The following ZNF385D variants were observed in gnomAD, a reference collection of about 807,000 sequenced individuals.
ZNF385D encodes the protein zinc finger protein 385D, also known as zinc finger protein 659.
Under a neutral mutation model 35.8 loss-of-function variants are expected in ZNF385D, and 15 were observed. The observed-to-expected ratio is 0.42, with a 90% CI of 0.28 to 0.64. The LOEUF (loss-of-function observed/expected upper bound fraction) is 0.64, where lower values mean the gene tolerates loss of function less well. ZNF385D is among the 30% of genes least tolerant of loss of function. The pLI is 0.23. For synonymous variants in ZNF385D, 212 were observed against 186.8 expected (o/e 1.13, Z -1.10); for missense variants, 474 against 494.6 (o/e 0.96, Z 0.39).
chr3:22,290,804 G>A (rs1490440274), intron 2 of ZNF385D, among the ~76,000 whole-genome samples: 1 of 152,126 alleles, frequency 6.6e-6, no homozygotes, highest in East Asian at 1.9e-4. Context: ...ATGGAACAGG[G>A]AGAGTCAGTA....
chr3:21,668,463 G>C (rs141350083), intron 1 of ZNF385D, among the ~76,000 whole-genome samples: 1 of 152,218 alleles, frequency 6.6e-6, no homozygotes, highest in African/African-American at 2.4e-5. Context: ...ATGTTTCCAT[G>C]AGCACTCCCT....
intron 3 of ZNF385D, among the ~76,000 whole-genome samples, chr3:22,138,876 AG>A (rs1347482883): frequency 2.2e-4 from 34 of 152,250 alleles, no homozygotes; most frequent in African/African-American, 7.9e-4. Context: ...CAGAGTGAAC[AG>A]GCAACCTACA....
chr3:22,325,266 G>A (rs557897408), intron 2 of ZNF385D, among the ~76,000 whole-genome samples: 1 of 152,180 alleles, frequency 6.6e-6, no homozygotes, highest in African/African-American at 2.4e-5. Context: ...AACTCAAGCT[G>A]TAGAACTTTT....
Position 22,036,036 on chromosome 3 carries a change from G to C in ZNF385D, c.325+132781C>G, listed in dbSNP as rs563539289. On this transcript the variant is annotated intron_variant, in intron 3 of 5. Transcript: ENST00000494108. ...TGTTTTTCTGAGCCTTGACACCTTGGATAAAAAGAAGACAAGGGTATCCTG... is the reference window on the plus strand; with the variant it reads ...TGTTTTTCTGAGCCTTGACACCTTGCATAAAAAGAAGACAAGGGTATCCTG... 2.0e-5 allele frequency among the ~76,000 whole-genome samples: 3 copies of C among 152,198 alleles called. No homozygotes were observed. In the East Asian group the frequency reaches 5.8e-4, roughly 29 times the overall value.
intron 4 of ZNF385D, among the ~76,000 whole-genome samples, chr3:21,456,253 T>A (rs1002964513): frequency 6.6e-6 from 1 of 152,172 alleles, no homozygotes; most frequent in Non-Finnish European, 1.5e-5. Context: ...CCCAAAGGAT[T>A]ATAAATCATG....
At position 21,425,689 on chromosome 3, in the gene ZNF385D, T is replaced by A. The variant is rs201544208; in HGVS notation, c.674-19A>T. 8 of 1,463,204 alleles carry A rather than the reference T, an allele frequency of 5.5e-6. No individual in the cohort carries two copies. The African/African-American group carries it at 7.3e-5, about 13-fold the overall frequency. 90.6% of individuals were successfully genotyped at this position (1,463,204 alleles called of 1,614,324 possible). A position where few individuals can be genotyped will look rare whatever the true frequency, so the allele number is the denominator to read the frequency against. On this transcript the variant is annotated intron_variant, in intron 5 of 7. Transcript: ENST00000281523. Reference sequence around the variant, plus strand: ...TTAGTACCTGTCAGGAATATTGAAATGAAGGAAGGAAAGGAGGGAGGAAAG... The same window carrying A: ...TTAGTACCTGTCAGGAATATTGAAAAGAAGGAAGGAAAGGAGGGAGGAAAG...
Position 21,778,717 on chromosome 3 carries a change from A to T in ZNF385D, c.326-113689T>A, listed in dbSNP as rs186796204. Among the ~76,000 whole-genome samples the T allele has an allele frequency of 3.6e-4, 54 of 152,106 alleles. 1 individual carries two copies. The highest frequency in any genetic ancestry group is 1.4e-3 in the Admixed American group (21 of 15,252). ...TTTTATAATTTAATTAAAATAATTTAAAAAATCCAAATAGAAATTCCCCAA... is the reference window on the plus strand; with the variant it reads ...TTTTATAATTTAATTAAAATAATTTTAAAAATCCAAATAGAAATTCCCCAA... On this transcript the variant is annotated intron_variant, in intron 3 of 5. Transcript: ENST00000494108.
chr3:22,184,388 T>TAC (rs397838983), intron 2 of ZNF385D, among the ~76,000 whole-genome samples: 1 of 151,698 alleles, frequency 6.6e-6, no homozygotes, highest in Non-Finnish European at 1.5e-5. Flanking sequence ...CATTTCAACA[T>TAC]GTTTTATCAT....
chr3:21,989,656 A>G (rs1285514799), intron 3 of ZNF385D, among the ~76,000 whole-genome samples: 1 of 149,144 alleles, frequency 6.7e-6, no homozygotes, highest in Non-Finnish European at 1.5e-5. Flanking sequence ...TTATGACATC[A>G]TGTTTTCTTT....
At chr3:21,789,105 T>C (rs191849347) in intron 3 of ZNF385D, among the ~76,000 whole-genome samples, 1 of 152,244 alleles carries the variant, frequency 6.6e-6, no homozygotes, top group Admixed American at 6.5e-5. Flanking sequence ...AATTGTTCAA[T>C]AAAGCAAAAG....
intron 2 of ZNF385D, among the ~76,000 whole-genome samples, chr3:22,263,094 TA>T (rs1160322999): frequency 6.6e-6 from 1 of 151,986 alleles, no homozygotes; most frequent in African/African-American, 2.4e-5. Context: ...CCTTCCGTGG[TA>T]ACCTCTTTAG....
chr3:22,142,194 A>G (rs1704548617), intron 3 of ZNF385D, among the ~76,000 whole-genome samples: 1 of 152,000 alleles, frequency 6.6e-6, no homozygotes, highest in African/African-American at 2.4e-5. Flanking sequence ...ACCATGTTAT[A>G]TTTTCTTCAG....
chr3:21,915,069 G>GAA (rs5847152), intron 3 of ZNF385D, among the ~76,000 whole-genome samples: 96 of 148,856 alleles, frequency 6.4e-4, no homozygotes, highest in South Asian at 8.5e-4. Flanking sequence ...AGTAGAAATA[G>GAA]AAAAAAAAAA....
chr3:21,989,829 C>T (rs983686221), intron 3 of ZNF385D, among the ~76,000 whole-genome samples: 1 of 152,166 alleles, frequency 6.6e-6, no homozygotes, highest in Non-Finnish European at 1.5e-5. Context: ...TTGGCACAAG[C>T]TGTGCCACTT....
At chr3:21,463,979 A>C (rs1286229440) in intron 4 of ZNF385D, among the ~76,000 whole-genome samples, 1 of 152,116 alleles carries the variant, frequency 6.6e-6, no homozygotes, top group Non-Finnish European at 1.5e-5. Flanking sequence ...CATATACATG[A>C]AACACATGAA....
At chr3:21,727,143 C>T (rs2125470599) in intron 1 of ZNF385D, among the ~76,000 whole-genome samples, 1 of 152,228 alleles carries the variant, frequency 6.6e-6, no homozygotes, top group Admixed American at 6.5e-5. Context: ...AACTGGACCC[C>T]TTTCTTACAC....
At chr3:21,908,962 AG>A (rs1165350292) in intron 3 of ZNF385D, among the ~76,000 whole-genome samples, 1 of 152,088 alleles carries the variant, frequency 6.6e-6, no homozygotes, top group Non-Finnish European at 1.5e-5. Context: ...CAAGTCTTAT[AG>A]CCTATTAAAA....
chr3:21,694,042 C>CTTTTTTTTTTTATTTTTTTTTTT (rs2067380704), intron 1 of ZNF385D, among the ~76,000 whole-genome samples: 1 of 22,178 alleles, frequency 4.5e-5, no homozygotes. Context: ...CTACGCCTGG[C>CTTTTTTTTTTTATTTTTTTTTTT]TTTTTTTTTT....
chr3:22,045,195 G>A (rs534355593), intron 3 of ZNF385D, among the ~76,000 whole-genome samples: 1 of 151,950 alleles, frequency 6.6e-6, no homozygotes, highest in South Asian at 2.1e-4. Context: ...CAATATCATG[G>A]GGCTTTCCTC....
Sources: allele counts gnomAD v4.1 joint callset (sites outside exome capture counted in the v4.1 genomes callset), GRCh38; gene constraint gnomAD v4.1.1; transcripts MANE v1.5; gene names NCBI Gene and HGNC (gene_info 2026-07-23, HGNC 2026-07-21).